Variants in ACTL8 observed in about 807,000 individuals in gnomAD.
ACTL8 encodes the protein actin-like protein 8.
A neutral mutation model predicts 9.3 loss-of-function variants in ACTL8; 3 were observed. That is an observed-to-expected ratio of 0.32 (90% CI 0.15 to 0.83). ACTL8 has a LOEUF of 0.83. Among genes scored for constraint, ACTL8 ranks in the 40% least tolerant of loss-of-function variants. ACTL8 has a pLI of 0.57. For synonymous variants in ACTL8, 224 were observed against 205.9 expected, an observed-to-expected ratio of 1.09 and a Z score of -0.75; for missense variants, 381 against 492.2, an observed-to-expected ratio of 0.77 and a Z score of 2.14.
At chr1:17,795,762 C>T (rs978094670) in intron 1 of ACTL8, among the ~76,000 whole-genome samples, 8 of 152,094 alleles carry the variant, frequency 5.3e-5, no homozygotes, top group African/African-American at 1.4e-4. Flanking sequence ...CCTCCCGTGC[C>T]GTTTGATTCC....
chr1:17,765,044 C>A (rs1389753275), intron 1 of ACTL8, among the ~76,000 whole-genome samples: 1 of 152,210 alleles, frequency 6.6e-6, no homozygotes, highest in African/African-American at 2.4e-5. Context: ...GGGCTCCAGC[C>A]AGAGTGGAGT....
chr1:17,821,632 C>CTTTT (rs35829365), intron 1 of ACTL8, among the ~76,000 whole-genome samples: 1 of 151,390 alleles, frequency 6.6e-6, no homozygotes, highest in South Asian at 2.1e-4. Context: ...TGACTATTCC[C>CTTTT]TTTTTTTTCT....
intron 1 of ACTL8, among the ~76,000 whole-genome samples, chr1:17,780,598 A>G (rs1297832556): frequency 2.0e-5 from 3 of 151,864 alleles, no homozygotes; most frequent in African/African-American, 7.3e-5. Context: ...AAGTAATGTA[A>G]TTTTTGCTTT....
intron 1 of ACTL8, among the ~76,000 whole-genome samples, chr1:17,795,598 C>T (rs939810133): frequency 2.0e-5 from 3 of 152,116 alleles, no homozygotes; most frequent in Non-Finnish European, 2.9e-5. Flanking sequence ...TAAGAGGAAA[C>T]GTTGCAGCAC....
intron 1 of ACTL8, among the ~76,000 whole-genome samples, chr1:17,759,487 G>A (rs772776434): frequency 6.6e-6 from 1 of 152,236 alleles, no homozygotes; most frequent in African/African-American, 2.4e-5. Context: ...CAGATTTCTG[G>A]TAAGTTCTAC....
At chr1:17,820,451 G>A (rs917544342) in intron 1 of ACTL8, among the ~76,000 whole-genome samples, 5 of 152,182 alleles carry the variant, frequency 3.3e-5, no homozygotes, top group Non-Finnish European at 7.3e-5. Flanking sequence ...TAGGAATAAG[G>A]CTATCTGGCT....
chr1:17,823,249 C>A lies in ACTL8; in HGVS notation c.241C>A (p.Leu81Ile). Residue 81 changes from leucine to isoleucine, a missense_variant, in exon 2 of 3, where the codon CTC (leucine) becomes ATC (isoleucine). By Grantham distance (5) the Leu-to-Ile change is conservative. Coordinates refer to ENST00000375406, the MANE Select transcript of ACTL8 (RefSeq NM_030812.3). The surrounding 1 kb of genome is among the most constrained non-coding windows in gnomAD (Gnocchi z 5.3). ...RILNWEGVQY[L>I]WSFVLENHRR... ...CCTCAACTGGGAGGGTGTGCAGTAC[C>A]TCTGGTCATTTGTGTTGGAGAACCA... 1 of 1,614,148 alleles carries A rather than the reference C, an allele frequency of 6.2e-7. No individual in the cohort carries two copies. Among genetic ancestry groups the A allele is most frequent in the South Asian group, 1.1e-5 (1 of 91,078 alleles).
chr1:17,759,375 C>A, intron 1 of ACTL8, among the ~76,000 whole-genome samples: 1 of 152,324 alleles, frequency 6.6e-6, no homozygotes, highest in Middle Eastern at 3.4e-3. Context: ...TGGCTGCTGC[C>A]GTGCTCAGCA....
At chr1:17,812,486 A>G (rs1455687533) in intron 1 of ACTL8, among the ~76,000 whole-genome samples, 2 of 143,984 alleles carry the variant, frequency 1.4e-5, no homozygotes, top group Admixed American at 7.3e-5. Context: ...GTGGAGTGCA[A>G]TGGCGCAATC....
chr1:17,784,213 A>T (rs2066178419), intron 1 of ACTL8, among the ~76,000 whole-genome samples: 1 of 152,160 alleles, frequency 6.6e-6, no homozygotes, highest in Non-Finnish European at 1.5e-5. Flanking sequence ...AACATGGTGG[A>T]GTGGAGGAGA....
intron 1 of ACTL8, among the ~76,000 whole-genome samples, chr1:17,789,617 A>C (rs1318409489): frequency 1.3e-5 from 2 of 152,032 alleles, no homozygotes; most frequent in Non-Finnish European, 2.9e-5. Context: ...TGTTCCAAGC[A>C]CATGTTAGTG....
At chr1:17,808,178 T>C (rs1320956284) in intron 1 of ACTL8, among the ~76,000 whole-genome samples, 1 of 152,186 alleles carries the variant, frequency 6.6e-6, no homozygotes, top group Non-Finnish European at 1.5e-5. Flanking sequence ...GGGTCCCTGA[T>C]GGAGTCTTGA....
intron 1 of ACTL8, among the ~76,000 whole-genome samples, chr1:17,814,256 A>T (rs559175995): frequency 6.6e-6 from 1 of 152,328 alleles, no homozygotes; most frequent in South Asian, 2.1e-4. Flanking sequence ...TGGCCCTTTG[A>T]GAAGCCAAGG....
At chr1:17,792,052 C>T (rs1297612747) in intron 1 of ACTL8, among the ~76,000 whole-genome samples, 1 of 152,184 alleles carries the variant, frequency 6.6e-6, no homozygotes, top group African/African-American at 2.4e-5. Context: ...GCCAGGGCCT[C>T]TTAACCCCAA....
At chr1:17,799,840 C>G (rs2066307415) in intron 1 of ACTL8, among the ~76,000 whole-genome samples, 1 of 152,072 alleles carries the variant, frequency 6.6e-6, no homozygotes, top group Non-Finnish European at 1.5e-5. Flanking sequence ...CCCCACCACC[C>G]ACATCCATCC....
chr1:17,802,585 G>A (rs949427753), intron 1 of ACTL8, among the ~76,000 whole-genome samples: 2 of 152,108 alleles, frequency 1.3e-5, no homozygotes, highest in Non-Finnish European at 2.9e-5. Context: ...CCTGATTCGA[G>A]TCATATCCCC....
intron 1 of ACTL8, among the ~76,000 whole-genome samples, chr1:17,764,380 G>A (rs1354981583): frequency 6.6e-6 from 1 of 152,200 alleles, no homozygotes; most frequent in Non-Finnish European, 1.5e-5. Context: ...ACACCAGTGG[G>A]CAAGCCAGGG....
chr1:17,825,618 T>C, intron 2 of ACTL8, 149 bp from the exon 3 acceptor site: 1 of 1,020,634 alleles, frequency 9.8e-7, no homozygotes, highest in African/African-American at 1.6e-5. Context: ...TGCTGCATTA[T>C]CCTCACTGCA....
chr1:17,773,787 A>G (rs1015014968), intron 1 of ACTL8, among the ~76,000 whole-genome samples: 4 of 152,260 alleles, frequency 2.6e-5, no homozygotes, highest in Non-Finnish European at 5.9e-5. Context: ...CAATTCATGC[A>G]GAGTCCATAG....
Sources: allele counts gnomAD v4.1 joint callset (sites outside exome capture counted in the v4.1 genomes callset), GRCh38; gene constraint gnomAD v4.1.1; non-coding constraint Gnocchi (gnomAD v3.1); transcripts MANE v1.5; gene names NCBI Gene and HGNC (gene_info 2026-07-23, HGNC 2026-07-21).